AGBL4: variants seen among roughly 807,000 people sequenced by gnomAD.
The protein encoded by AGBL4 is AGBL carboxypeptidase 4.
AGBL4 carries 58 observed loss-of-function variants against 66.4 expected under a neutral mutation model. The ratio of observed to expected loss-of-function variants is 0.87; its 90% CI spans 0.71 to 1.09. The LOEUF (loss-of-function observed/expected upper bound fraction) is 1.09. Ranked by LOEUF, AGBL4 falls within the 50% of genes least tolerant of loss-of-function variation. AGBL4 has a pLI of 0.00. For synonymous variants in AGBL4, 234 were observed against 222.9 expected (o/e 1.05, Z -0.44); for missense variants, 579 against 631.0 (o/e 0.92, Z 0.88).
In AGBL4 at chr1:48,998,121, A is replaced by G. The variant is rs138053737; in HGVS notation, c.594+47463T>C. ...CTTTATTGGCATTTTAAAAAATGCA[A>G]TTTCATCGATTATCCCTTTCTGCCT... On this transcript the variant is annotated intron_variant, in intron 5 of 13. Coordinates refer to ENST00000371839, the MANE Select transcript of AGBL4 (RefSeq NM_032785.4). 8.5e-5 allele frequency among the ~76,000 whole-genome samples: 13 copies of G among 152,312 alleles called. No individual in the cohort carries two copies. The East Asian group carries it at 2.3e-3, about 27-fold the overall frequency.
chr1:49,094,459 C>T (rs569137780), intron 4 of AGBL4, among the ~76,000 whole-genome samples: 6 of 151,996 alleles, frequency 3.9e-5, no homozygotes, highest in African/African-American at 7.2e-5. Flanking sequence ...TGGTTTTTGT[C>T]GTTGGTTCTG....
intron 6 of AGBL4, chr1:48,818,176 A>G (rs1646229111): frequency 2.8e-6 from 2 of 717,102 alleles, no homozygotes; most frequent in Non-Finnish European, 5.2e-6. Flanking sequence ...TGGAAAGGCC[A>G]CCATTCTCCT....
intron 1 of AGBL4, among the ~76,000 whole-genome samples, chr1:49,957,828 G>A (rs1164338726): frequency 1.3e-5 from 2 of 152,056 alleles, no homozygotes; most frequent in African/African-American, 2.4e-5. Context: ...GCCAGTCTGT[G>A]TCTTTTAATT....
At chr1:49,098,637 G>A (rs528538630) in intron 4 of AGBL4, among the ~76,000 whole-genome samples, 2 of 152,306 alleles carry the variant, frequency 1.3e-5, no homozygotes, top group Admixed American at 6.5e-5. Flanking sequence ...AGCTCTCCAG[G>A]GCTAGGAGTT....
intron 3 of AGBL4, among the ~76,000 whole-genome samples, chr1:49,283,243 AC>A (rs1158687440): frequency 6.6e-6 from 1 of 152,012 alleles, no homozygotes; most frequent in Non-Finnish European, 1.5e-5. Context: ...ACTGGGAGGC[AC>A]CCCCAAGCAG....
intron 3 of AGBL4, among the ~76,000 whole-genome samples, chr1:49,654,634 T>C (rs1382831123): frequency 6.6e-6 from 1 of 152,238 alleles, no homozygotes; most frequent in Non-Finnish European, 1.5e-5. Context: ...ATATTTGGGA[T>C]AGTTAGCTCT....
At chr1:48,669,938 C>T (rs1467226608) in intron 6 of AGBL4, among the ~76,000 whole-genome samples, 1 of 152,194 alleles carries the variant, frequency 6.6e-6, no homozygotes, top group Non-Finnish European at 1.5e-5. Context: ...TCAGATCTCC[C>T]ATGGCCTAAA....
chr1:49,627,872 G>C (rs1006493549), intron 3 of AGBL4, among the ~76,000 whole-genome samples: 64 of 152,152 alleles, frequency 4.2e-4, no homozygotes, highest in African/African-American at 1.5e-3. Context: ...AGTTACTTAT[G>C]ACCTCTGATC....
At position 49,027,450 on chromosome 1, in the gene AGBL4, A is replaced by C. The variant is rs1663806051; in HGVS notation, c.594+18134T>G. On this transcript the variant is annotated intron_variant, in intron 5 of 13. Coordinates refer to ENST00000371839, the MANE Select transcript of AGBL4 (RefSeq NM_032785.4). Reference sequence around the variant, plus strand: ...AGTACTGGGATTATAGGCATGAGCCACCGTGCCCAGCCTAAAAATTATTTT... The same window carrying C: ...AGTACTGGGATTATAGGCATGAGCCCCCGTGCCCAGCCTAAAAATTATTTT... Among the ~76,000 whole-genome samples the C allele has an allele frequency of 1.3e-5, 2 of 152,238 alleles. 1 individual carries two copies. Among genetic ancestry groups the C allele is most frequent in the Middle Eastern group, 6.8e-3 (2 of 294 alleles).
intron 3 of AGBL4, among the ~76,000 whole-genome samples, chr1:49,323,448 A>ATTTTTT (rs11295329): frequency 1.4e-3 from 164 of 114,426 alleles, no homozygotes; most frequent in African/African-American, 1.6e-3. Context: ...TGCCTGGCTA[A>ATTTTTT]TTTTTTTTTT....
At chr1:49,200,872 T>G (rs2148229279) in intron 4 of AGBL4, among the ~76,000 whole-genome samples, 1 of 152,212 alleles carries the variant, frequency 6.6e-6, no homozygotes, top group South Asian at 2.1e-4. Flanking sequence ...CTTCAGCCCC[T>G]CTCCCCTCCC....
At chr1:49,571,673 C>A (rs1411335008) in intron 3 of AGBL4, among the ~76,000 whole-genome samples, 4 of 152,052 alleles carry the variant, frequency 2.6e-5, no homozygotes, top group African/African-American at 4.8e-5. Context: ...TTACTTTAAA[C>A]TTGTCCTCTT....
At chr1:49,176,349 T>C (rs1646831398) in intron 4 of AGBL4, among the ~76,000 whole-genome samples, 1 of 152,196 alleles carries the variant, frequency 6.6e-6, no homozygotes, top group South Asian at 2.1e-4. Context: ...CCCAGACATA[T>C]GTCTATATTT....
chr1:48,769,321 C>T (rs1298312892), intron 6 of AGBL4, among the ~76,000 whole-genome samples: 1 of 152,112 alleles, frequency 6.6e-6, no homozygotes, highest in Non-Finnish European at 1.5e-5. Flanking sequence ...CCCACCACCT[C>T]TCTGGCCTTG....
At chr1:49,948,582 T>A (rs11205666) in intron 1 of AGBL4, among the ~76,000 whole-genome samples, 1 of 126,914 alleles carries the variant, frequency 7.9e-6, no homozygotes, top group Admixed American at 9.0e-5. Flanking sequence ...TATATATATA[T>A]AGAGAGAGAG....
At chr1:49,429,264 ATAGT>A (rs1645731623) in intron 3 of AGBL4, among the ~76,000 whole-genome samples, 2 of 152,210 alleles carry the variant, frequency 1.3e-5, no homozygotes, top group African/African-American at 4.8e-5. Context: ...ATTTACATCA[ATAGT>A]TAGGCTCCCA....
chr1:49,490,059 C>T (rs966679623), intron 3 of AGBL4, among the ~76,000 whole-genome samples: 1 of 151,758 alleles, frequency 6.6e-6, no homozygotes, highest in Non-Finnish European at 1.5e-5. Context: ...TGGCTAAAAC[C>T]TCACGTGTAA....
At chr1:49,407,461 C>T (rs550371198) in intron 3 of AGBL4, among the ~76,000 whole-genome samples, 14 of 152,328 alleles carry the variant, frequency 9.2e-5, no homozygotes, top group Non-Finnish European at 1.9e-4. Context: ...TTAGCAGCCT[C>T]CATCATCACG....
intron 2 of AGBL4, among the ~76,000 whole-genome samples, chr1:49,798,632 G>A (rs1212433035): frequency 6.6e-6 from 1 of 152,082 alleles, no homozygotes; most frequent in Admixed American, 6.6e-5. Flanking sequence ...CATATTTAAT[G>A]TTTAAGTTCC....
Sources: gnomAD v4.1 joint callset for allele counts (sites outside exome capture counted in the v4.1 genomes callset) on GRCh38, gnomAD v4.1.1 for gene constraint, MANE v1.5 for transcripts, NCBI Gene and HGNC (gene_info 2026-07-23, HGNC 2026-07-21) for gene names.